GPC3: variants seen among roughly 807,000 people sequenced by gnomAD.
GPC3 encodes glypican 3, also known as glypican-3.
GPC3 carries 3 observed loss-of-function variants against 34.4 expected under a neutral mutation model. The observed-to-expected ratio is 0.09, with a 90% CI of 0.04 to 0.23. The LOEUF (loss-of-function observed/expected upper bound fraction) is 0.23. Among genes scored for constraint, GPC3 ranks in the 10% least tolerant of loss-of-function variants. The pLI is 1.00. For synonymous variants in GPC3, 177 were observed against 174.0 expected (o/e 1.02, Z -0.13); for missense variants, 351 against 445.6 (o/e 0.79, Z 1.91).
At chrX:133,719,645 TAAA>T (rs774454225) in intron 3 of GPC3, among the ~76,000 whole-genome samples, 2 of 109,295 alleles carry the variant, frequency 1.8e-5, no homozygotes, top group African/African-American at 3.3e-5. Context: ...AAATAAAAAA[TAAA>T]AAAAAGGAAA....
chrX:133,952,219 C>T (rs1719328975), intron 2 of GPC3, among the ~76,000 whole-genome samples: 1 of 111,345 alleles, frequency 9.0e-6, no homozygotes, highest in Non-Finnish European at 1.9e-5. Flanking sequence ...ATTTTGTGGC[C>T]TTGAGCAAGT....
intron 2 of GPC3, among the ~76,000 whole-genome samples, chrX:133,771,376 C>T (rs1043979241): frequency 8.9e-6 from 1 of 112,440 alleles, no homozygotes; most frequent in African/African-American, 3.2e-5. Flanking sequence ...CTAATGAGGT[C>T]GTCTGATCCT....
intron 6 of GPC3, among the ~76,000 whole-genome samples, chrX:133,627,930 T>C (rs1278576758): frequency 8.9e-6 from 1 of 112,248 alleles, no homozygotes; most frequent in Non-Finnish European, 1.9e-5. Context: ...ATTAATTCTC[T>C]TTACAAAGAG....
chrX:133,866,682 C>T (rs1211247958), intron 2 of GPC3, among the ~76,000 whole-genome samples: 3 of 111,536 alleles, frequency 2.7e-5, no homozygotes. Flanking sequence ...TTTTATGCTT[C>T]TTTAAGAAAA....
chrX:133,966,064 C>T (rs1353038828), intron 1 of GPC3, among the ~76,000 whole-genome samples: 2 of 111,715 alleles, frequency 1.8e-5, no homozygotes, highest in African/African-American at 6.5e-5. Flanking sequence ...GCAATAGTCC[C>T]ATATAATAAG....
chrX:133,834,481 C>T (rs2075790870), intron 2 of GPC3, among the ~76,000 whole-genome samples: 1 of 111,646 alleles, frequency 9.0e-6, no homozygotes, highest in Admixed American at 9.5e-5. Context: ...TAAACCTAGA[C>T]CCTGGGTCCT....
chrX:133,572,669 A>G (rs2069644241), intron 7 of GPC3, among the ~76,000 whole-genome samples: 1 of 112,119 alleles, frequency 8.9e-6, no homozygotes, highest in South Asian at 3.7e-4. Flanking sequence ...AAGAAGGATT[A>G]TAAGGGAATA....
chrX:133,586,783 A>T (rs1336481703), intron 7 of GPC3, among the ~76,000 whole-genome samples: 3 of 112,064 alleles, frequency 2.7e-5, no homozygotes, highest in Non-Finnish European at 5.6e-5. Flanking sequence ...GGGAATGGGG[A>T]TGATGGAGAA....
rs188953674 is a variant in GPC3, at chrX:133,824,287, G to T, written c.338-70111C>A. On this transcript the variant is annotated intron_variant, in intron 2 of 7. Coordinates refer to ENST00000370818, the MANE Select transcript of GPC3 (RefSeq NM_004484.4). Reference sequence around the variant, plus strand: ...TAAAAGATAGATATTACAAACTACAGGGTGTCTATAAGAGATCTATCTCCC... The same window carrying T: ...TAAAAGATAGATATTACAAACTACATGGTGTCTATAAGAGATCTATCTCCC... Among the ~76,000 whole-genome samples the T allele has an allele frequency of 4.8e-4, 53 of 111,195 alleles. No individual in the cohort carries two copies. In the East Asian group the frequency reaches 0.013, roughly 27 times the overall value.
At chrX:133,702,044 T>C (rs1453394300) in intron 3 of GPC3, among the ~76,000 whole-genome samples, 1 of 112,511 alleles carries the variant, frequency 8.9e-6, no homozygotes, top group Non-Finnish European at 1.9e-5. Context: ...GCTTATGTAA[T>C]GCTATGTGAC....
At chrX:133,744,021 A>G (rs2071588026) in intron 3 of GPC3, among the ~76,000 whole-genome samples, 1 of 112,316 alleles carries the variant, frequency 8.9e-6, no homozygotes, top group Non-Finnish European at 1.9e-5. Flanking sequence ...CTCAAGGTAG[A>G]TTAAAGACTT....
At chrX:133,617,042 A>G (rs996993523) in intron 6 of GPC3, among the ~76,000 whole-genome samples, 3 of 111,527 alleles carry the variant, frequency 2.7e-5, no homozygotes, top group Non-Finnish European at 5.6e-5. Context: ...AATGGGGGAA[A>G]GAATGCTCTT....
intron 7 of GPC3, among the ~76,000 whole-genome samples, chrX:133,548,567 G>T (rs745566680): frequency 8.9e-6 from 1 of 111,799 alleles, no homozygotes; most frequent in African/African-American, 3.2e-5. Context: ...TCAACAGCAG[G>T]CAGGTATCCT....
chrX:133,963,224 C>A (rs753089975), intron 1 of GPC3, among the ~76,000 whole-genome samples: 2 of 111,776 alleles, frequency 1.8e-5, no homozygotes, highest in Non-Finnish European at 3.8e-5. Flanking sequence ...ACATATATGC[C>A]CCTGTATCTC....
intron 2 of GPC3, among the ~76,000 whole-genome samples, chrX:133,838,249 TC>T (rs1480735005): frequency 8.9e-6 from 1 of 112,685 alleles, no homozygotes; most frequent in East Asian, 2.8e-4. Flanking sequence ...ATTTATTTTT[TC>T]CTGAAATACT....
At chrX:133,747,586 C>T (rs2071623863) in intron 3 of GPC3, among the ~76,000 whole-genome samples, 1 of 111,644 alleles carries the variant, frequency 9.0e-6, no homozygotes, top group Non-Finnish European at 1.9e-5. Flanking sequence ...AATGGAACTG[C>T]TTGAGAGAGC....
chrX:133,655,506 CCA>C (rs763587305), intron 6 of GPC3, among the ~76,000 whole-genome samples: 49 of 94,511 alleles, frequency 5.2e-4, no homozygotes, highest in Admixed American at 5.6e-4. Context: ...ACACACACAC[CCA>C]CACACACACA....
chrX:133,846,481 A>G (rs1411619256), intron 2 of GPC3, among the ~76,000 whole-genome samples: 20 of 111,561 alleles, frequency 1.8e-4, no homozygotes, highest in Non-Finnish European at 3.8e-5. Flanking sequence ...ATGAAAGTAC[A>G]TATTAGTATT....
chrX:133,984,576 G>A (rs953605951), intron 1 of GPC3, among the ~76,000 whole-genome samples: 4 of 111,770 alleles, frequency 3.6e-5, no homozygotes, highest in African/African-American at 1.3e-4. Flanking sequence ...TTGGGAGGGG[G>A]AGGAGTTAAA....
Sources: gnomAD v4.1 joint callset for allele counts (sites outside exome capture counted in the v4.1 genomes callset) on GRCh38, gnomAD v4.1.1 for gene constraint, MANE v1.5 for transcripts, NCBI Gene and HGNC (gene_info 2026-07-23, HGNC 2026-07-21) for gene names.